Variants in CD109 observed in about 807,000 individuals in gnomAD.
CD109 encodes CD109 molecule.
CD109 carries 149 observed loss-of-function variants against 165.8 expected under a neutral mutation model. That is an observed-to-expected ratio of 0.90 (90% CI 0.79 to 1.03). The LOEUF (loss-of-function observed/expected upper bound fraction) is 1.03, where lower values mean the gene tolerates loss of function less well. CD109 is among the 50% of genes least tolerant of loss of function. CD109 has a pLI of 0.00. For missense variants in CD109, 1,712 were observed against 1,677.8 expected, an observed-to-expected ratio of 1.02 and a Z score of -0.36; for synonymous variants, 585 against 592.1, an observed-to-expected ratio of 0.99 and a Z score of 0.18.
intron 6 of CD109, 132 bp downstream of exon 6, chr6:73,756,814 G>T: frequency 1.9e-6 from 1 of 539,472 alleles, no homozygotes; most frequent in Non-Finnish European, 3.1e-6. Context: ...GTTTTTTAAA[G>T]GCCTAACCAT....
At chr6:73,769,203 T>A (rs1245964005) in intron 14 of CD109, among the ~76,000 whole-genome samples, 2 of 152,200 alleles carry the variant, frequency 1.3e-5, no homozygotes, top group African/African-American at 4.8e-5. Context: ...ACTTTAGTTT[T>A]GTTGAGAATT....
At chr6:73,808,807 TGTGTG>T (rs1367211420) in intron 26 of CD109, among the ~76,000 whole-genome samples, 1 of 1,248 alleles carries the variant, frequency 8.0e-4, no homozygotes, top group East Asian at 0.25. Context: ...GGGATCCAGG[TGTGTG>T]TGTGTGTGTG....
intron 2 of CD109, among the ~76,000 whole-genome samples, chr6:73,714,393 C>T (rs1771646640): frequency 6.6e-6 from 1 of 152,202 alleles, no homozygotes; most frequent in South Asian, 2.1e-4. Context: ...GGACAACTCT[C>T]ACTGGCCCTG....
intron 23 of CD109, among the ~76,000 whole-genome samples, chr6:73,794,272 C>T (rs1775076065): frequency 6.6e-6 from 1 of 152,160 alleles, no homozygotes; most frequent in Non-Finnish European, 1.5e-5. Context: ...CTGGTTCCAC[C>T]GTCCACCTTG....
chr6:73,752,809 A>G (rs1212659304), intron 5 of CD109, among the ~76,000 whole-genome samples: 1 of 152,200 alleles, frequency 6.6e-6, no homozygotes, highest in Non-Finnish European at 1.5e-5. Context: ...AGTTGTTGGC[A>G]GAGTGAATGA....
intron 3 of CD109, among the ~76,000 whole-genome samples, chr6:73,729,304 T>C (rs1489437327): frequency 6.6e-6 from 1 of 151,844 alleles, no homozygotes; most frequent in Non-Finnish European, 1.5e-5. Flanking sequence ...GTCAGAGAAT[T>C]TTTGGACATA....
At chr6:73,679,766 C>T in the CD109 span, among the ~76,000 whole-genome samples, 1 of 151,944 alleles carries the variant, frequency 6.6e-6, no homozygotes, top group Non-Finnish European at 1.5e-5. Flanking sequence ...CTTTGAGTAG[C>T]TGGGATTATA....
At chr6:73,792,910 G>A (rs1775027517) in intron 23 of CD109, 108 bp downstream of exon 23, 2 of 773,434 alleles carry the variant, frequency 2.6e-6, no homozygotes, top group Non-Finnish European at 4.0e-6. Flanking sequence ...TCTTAGGTAA[G>A]TGATGGGCTA....
At chr6:73,731,468 GAAC>G (rs1772366199) in intron 4 of CD109, among the ~76,000 whole-genome samples, 1 of 152,230 alleles carries the variant, frequency 6.6e-6, no homozygotes, top group South Asian at 2.1e-4. Context: ...CGCATTGGAG[GAAC>G]AACAAGCTGG....
rs757230540 is a variant in CD109 at position 73,826,160 on chromosome 6, C to G, written c.*2527C>G. Reference sequence around the variant, plus strand: ...TCATACTTCCCTTAGAGAACTTGCTCTGCTACAAGCAGTGGGCTTGGACTA... The same window carrying G: ...TCATACTTCCCTTAGAGAACTTGCTGTGCTACAAGCAGTGGGCTTGGACTA... On this transcript the variant is annotated 3_prime_UTR_variant, in exon 33 of 33. Transcript: ENST00000287097. The G allele has an allele frequency of 6.6e-6, 1 of 152,300 alleles. No homozygotes were observed. Among genetic ancestry groups the G allele is most frequent in the Non-Finnish European group, 1.5e-5 (1 of 68,036 alleles). The allele number at this position is 152,300 out of a possible 1,614,324, so 9.4% of individuals were successfully genotyped here.
chr6:73,741,552 G>A (rs13195592), intron 5 of CD109, among the ~76,000 whole-genome samples: 22 of 152,298 alleles, frequency 1.4e-4, no homozygotes, highest in Non-Finnish European at 2.4e-4. Flanking sequence ...TTAAAAGTTA[G>A]ACATTCCTTT....
intron 22 of CD109, 23 bp from the exon 23 acceptor site, chr6:73,792,603 A>G: frequency 1.2e-5 from 19 of 1,610,288 alleles, no homozygotes; most frequent in Non-Finnish European, 1.6e-5. Context: ...TTACTGAATG[A>G]ACTGCATGTC....
chr6:73,766,969 G>A lies in CD109; in HGVS notation c.1456G>A (p.Val486Met). ...NIKVGSPFEL[V>M]VSGNKRLKEL... is the part of the protein sequence containing the mutation. Reference sequence around the variant, plus strand: ...CTAGGTGGGATCGCCTTTTGAGTTGGTGGTTAGTGGCAACAAACGATTGAA... The same window carrying A: ...CTAGGTGGGATCGCCTTTTGAGTTGATGGTTAGTGGCAACAAACGATTGAA... Residue 486 changes from valine (V) to methionine (M), a missense_variant, in exon 13 of 33, where the codon GTG becomes ATG. By Grantham distance (21) the Val-to-Met change is conservative (BLOSUM62 1). Coordinates refer to ENST00000287097, the MANE Select transcript of CD109 (RefSeq NM_133493.5). The A allele has an allele frequency of 6.2e-7, 1 of 1,613,676 alleles. No individual in the cohort carries two copies. The highest frequency in any genetic ancestry group is 8.5e-7 in the Non-Finnish European group (1 of 1,179,832).
rs1300981171 is a variant in CD109 at position 73,791,150 on chromosome 6, T to TAC, written c.2702-1475_2702-1474insCA. Among the ~76,000 whole-genome samples, 5 of 27,338 alleles carry TAC rather than the reference T, an allele frequency of 1.8e-4. 1 individual carries two copies. Among genetic ancestry groups the TAC allele is most frequent in the African/African-American group, 7.4e-4 (5 of 6,764 alleles). The allele number at this position is 27,338 out of a possible 152,430, so 17.9% of individuals were successfully genotyped here. ...ATACATACATACATATATATATATA[T>TAC]ATATATATATATATATATATATATA... On this transcript the variant is annotated intron_variant, in intron 22 of 32. Coordinates refer to ENST00000287097, the MANE Select transcript of CD109 (RefSeq NM_133493.5).
At chr6:73,787,021 T>G (rs965061958) in intron 20 of CD109, among the ~76,000 whole-genome samples, 1 of 152,198 alleles carries the variant, frequency 6.6e-6, no homozygotes, top group Non-Finnish European at 1.5e-5. Flanking sequence ...AAGATCGCCC[T>G]TTCCCCATGT....
intron 5 of CD109, among the ~76,000 whole-genome samples, chr6:73,748,453 G>A (rs928320609): frequency 2.6e-5 from 4 of 152,176 alleles, no homozygotes; most frequent in African/African-American, 4.8e-5. Context: ...CTCTGTAAAT[G>A]TTAATTCACA....
At chr6:73,801,087 G>T (rs928182652) in intron 23 of CD109, among the ~76,000 whole-genome samples, 5 of 152,136 alleles carry the variant, frequency 3.3e-5, no homozygotes, top group African/African-American at 1.2e-4. Context: ...CCATGTAAAA[G>T]GTACTTACTG....
At chr6:73,715,790 A>G (rs1395529458) in intron 2 of CD109, among the ~76,000 whole-genome samples, 1 of 152,198 alleles carries the variant, frequency 6.6e-6, no homozygotes, top group Non-Finnish European at 1.5e-5. Flanking sequence ...ATACTATTTT[A>G]GTTATTTAAA....
chr6:73,747,008 A>T (rs939878144), intron 5 of CD109, among the ~76,000 whole-genome samples: 2 of 152,012 alleles, frequency 1.3e-5, no homozygotes, highest in African/African-American at 4.8e-5. Flanking sequence ...AATTTCTTTC[A>T]CTTTTTCTGC....
Sources: gnomAD v4.1 joint callset for allele counts (sites outside exome capture counted in the v4.1 genomes callset) on GRCh38, gnomAD v4.1.1 for gene constraint, MANE v1.5 for transcripts, NCBI Gene and HGNC (gene_info 2026-07-23, HGNC 2026-07-21) for gene names.